The following LRP1B variants were observed in gnomAD, a reference collection of about 807,000 sequenced individuals.
The protein encoded by LRP1B is LDL receptor related protein 1B.
Under a neutral mutation model 556.6 loss-of-function variants are expected in LRP1B, and 217 were observed. That is an observed-to-expected ratio of 0.39 (90% CI 0.35 to 0.44). The LOEUF is 0.44. Ranked by LOEUF, LRP1B falls within the 20% of genes least tolerant of loss-of-function variation. The pLI is 1.00. For missense variants in LRP1B, 5,053 were observed against 5,620.8 expected (o/e 0.90, Z 3.23); for synonymous variants, 2,047 against 1,865.8 (o/e 1.10, Z -2.50).
intron 13 of LRP1B, among the ~76,000 whole-genome samples, chr2:141,014,642 T>C (rs1276739813): frequency 6.6e-6 from 1 of 152,092 alleles, no homozygotes; most frequent in African/African-American, 2.4e-5. Context: ...TGAATTCTTC[T>C]CACCAAATTA....
chr2:140,370,696 C>G lies in LRP1B; in HGVS notation c.11008+14G>C, dbSNP rs528317995. On this transcript the variant is annotated intron_variant, in intron 71 of 90. Coordinates refer to ENST00000389484, the MANE Select transcript of LRP1B (RefSeq NM_018557.3). ...TCTCTCATTTACAGGCACACACACA[C>G]AAAAATACCTTACCTCTTTCACAGT... The G allele has an allele frequency of 3.7e-6, 6 of 1,611,738 alleles. No individual in the cohort carries two copies. In the African/African-American group the frequency reaches 5.3e-5, roughly 14 times the overall value.
At chr2:140,965,556 T>A (rs1330436356) in intron 18 of LRP1B, among the ~76,000 whole-genome samples, 1 of 51,472 alleles carries the variant, frequency 1.9e-5, no homozygotes, top group Non-Finnish European at 6.2e-5. Flanking sequence ...ATTGATTTTC[T>A]TTTAATTTTT....
intron 6 of LRP1B, among the ~76,000 whole-genome samples, chr2:141,207,181 C>G (rs1682324327): frequency 6.6e-6 from 1 of 152,128 alleles, no homozygotes; most frequent in Admixed American, 6.5e-5. Context: ...TAAGAGCATG[C>G]TATATTAAAC....
At chr2:141,584,250 AG>A (rs1451205640) in intron 2 of LRP1B, among the ~76,000 whole-genome samples, 74 of 151,330 alleles carry the variant, frequency 4.9e-4, no homozygotes, top group African/African-American at 1.5e-3. Context: ...GTCTCAAAAA[AG>A]AAAAAAAAAA....
chr2:141,750,090 T>A (rs1260502173), intron 2 of LRP1B, among the ~76,000 whole-genome samples: 1 of 152,150 alleles, frequency 6.6e-6, no homozygotes, highest in Non-Finnish European at 1.5e-5. Flanking sequence ...TTACTGATTC[T>A]GAGGAGCAGC....
At chr2:141,017,812 T>C (rs1697949930) in intron 12 of LRP1B, among the ~76,000 whole-genome samples, 1 of 151,528 alleles carries the variant, frequency 6.6e-6, no homozygotes, top group Non-Finnish European at 1.5e-5. Flanking sequence ...CTGAGCAACA[T>C]GGCAAAACCC....
intron 16 of LRP1B, among the ~76,000 whole-genome samples, chr2:140,993,192 GA>G (rs897944101): frequency 5.3e-4 from 80 of 151,354 alleles, no homozygotes; most frequent in Middle Eastern, 3.4e-3. Context: ...TTTATAGAAA[GA>G]AAAAAAATTA....
At chr2:140,784,920 A>G (rs1689842831) in intron 32 of LRP1B, among the ~76,000 whole-genome samples, 1 of 152,136 alleles carries the variant, frequency 6.6e-6, no homozygotes. Context: ...AGAAACATTT[A>G]AAAAATAATT....
chr2:141,083,166 A>G (rs1277917933), intron 7 of LRP1B, among the ~76,000 whole-genome samples: 2 of 152,224 alleles, frequency 1.3e-5, no homozygotes, highest in African/African-American at 4.8e-5. Flanking sequence ...TTTAGTCTCC[A>G]TGAATCTTTC....
intron 7 of LRP1B, among the ~76,000 whole-genome samples, chr2:141,186,078 CAAAAAAAA>C (rs386391364): frequency 1.0e-4 from 8 of 77,608 alleles, no homozygotes; most frequent in African/African-American, 3.5e-4. Context: ...GACTCTGTCT[CAAAAAAAA>C]AAAAAAAAAA....
chr2:140,792,795 T>C (rs908052768), intron 32 of LRP1B, among the ~76,000 whole-genome samples: 36 of 152,114 alleles, frequency 2.4e-4, no homozygotes, highest in African/African-American at 8.2e-4. Flanking sequence ...AGAATATGTA[T>C]AGTAACCCAG....
intron 66 of LRP1B, among the ~76,000 whole-genome samples, chr2:140,405,016 T>C (rs1684670455): frequency 6.6e-6 from 1 of 152,198 alleles, no homozygotes; most frequent in Admixed American, 6.5e-5. Context: ...ATGGAAATTA[T>C]ATAAAGTGTC....
chr2:140,521,134 T>C lies in LRP1B; in HGVS notation c.8027-4123A>G, dbSNP rs553554959. 1.2e-4 allele frequency among the ~76,000 whole-genome samples: 18 copies of C among 152,194 alleles called. No individual in the cohort carries two copies. The East Asian group carries it at 1.9e-3, about 16-fold the overall frequency. On this transcript the variant is annotated intron_variant, in intron 49 of 90. Coordinates refer to ENST00000389484, the MANE Select transcript of LRP1B (RefSeq NM_018557.3). Reference sequence around the variant, plus strand: ...AACTTAGAAAACATATTTGATGGTATAATTCATGAAAATATCCCCAATCTT... The same window carrying C: ...AACTTAGAAAACATATTTGATGGTACAATTCATGAAAATATCCCCAATCTT...
Position 140,371,194 on chromosome 2 carries a change from A to G in LRP1B, c.10860T>C (p.Ala3620=), listed in dbSNP as rs750398946. 10 of 1,588,798 alleles carry G rather than the reference A, an allele frequency of 6.3e-6. No individual in the cohort carries two copies. The South Asian group carries it at 9.3e-5, about 15-fold the overall frequency. Reference sequence around the variant, plus strand: ...TATATTTTACCTCATCTGAACCATCAGCACAATCATATTCTCCATTACATT... The same window carrying G: ...TATATTTTACCTCATCTGAACCATCGGCACAATCATATTCTCCATTACATT... ...SLKCNGEYDC[A]DGSDEMDCVT... Residue 3620 remains alanine, a synonymous_variant, in exon 70 of 91, where the codon GCT becomes GCC. Transcript: ENST00000389484.
At chr2:141,561,807 A>G (rs1476298436) in intron 2 of LRP1B, among the ~76,000 whole-genome samples, 1 of 151,174 alleles carries the variant, frequency 6.6e-6, no homozygotes, top group African/African-American at 2.4e-5. Context: ...TCTTATCTAG[A>G]ATTTTAGGCA....
chr2:141,539,129 A>G (rs1685162211), intron 2 of LRP1B, among the ~76,000 whole-genome samples: 1 of 152,148 alleles, frequency 6.6e-6, no homozygotes, highest in Non-Finnish European at 1.5e-5. Flanking sequence ...TGTGGTACCA[A>G]CATTCCTGAA....
intron 2 of LRP1B, among the ~76,000 whole-genome samples, chr2:141,609,959 A>G (rs1688047548): frequency 6.6e-6 from 1 of 152,234 alleles, no homozygotes; most frequent in South Asian, 2.1e-4. Flanking sequence ...AATGCCAAAT[A>G]AATCAATACC....
chr2:141,318,144 CT>C (rs1373375915), intron 3 of LRP1B, among the ~76,000 whole-genome samples: 2 of 152,134 alleles, frequency 1.3e-5, no homozygotes, highest in Non-Finnish European at 2.9e-5. Context: ...ATTCATTTTA[CT>C]CTTGAAACAT....
intron 60 of LRP1B, 23 bp from the exon 61 acceptor site, chr2:140,457,674 T>C (rs373938648): frequency 5.7e-6 from 9 of 1,584,804 alleles, no homozygotes; most frequent in African/African-American, 2.7e-5. Context: ...ATGGTAAGAT[T>C]AATGTTCAGT....
Sources: gnomAD v4.1 joint callset for allele counts (sites outside exome capture counted in the v4.1 genomes callset) on GRCh38, gnomAD v4.1.1 for gene constraint, MANE v1.5 for transcripts, NCBI Gene and HGNC (gene_info 2026-07-23, HGNC 2026-07-21) for gene names.